TRDN: variants seen among roughly 807,000 people sequenced by gnomAD.
TRDN encodes the protein triadin, also known as triadin in skeletal muscle.
Under a neutral mutation model 149.7 loss-of-function variants are expected in TRDN, and 161 were observed. The ratio of observed to expected loss-of-function variants is 1.08; its 90% CI spans 0.95 to 1.23. The LOEUF (loss-of-function observed/expected upper bound fraction) is 1.23, where lower values mean the gene tolerates loss of function less well. Ranked by LOEUF, TRDN falls within the 50% of genes most tolerant of loss-of-function variation. The pLI, the probability that TRDN is intolerant of heterozygous loss-of-function variation, is 0.00. For synonymous variants in TRDN, 294 were observed against 250.5 expected, an observed-to-expected ratio of 1.17 and a Z score of -1.64; for missense variants, 896 against 823.5, an observed-to-expected ratio of 1.09 and a Z score of -1.08.
chr6:123,331,979 C>A, intron 22 of TRDN, 50 bp from the exon 23 acceptor site: 1 of 1,386,720 alleles, frequency 7.2e-7, no homozygotes, highest in Non-Finnish European at 9.8e-7. Flanking sequence ...AAGAGATTTT[C>A]AGATACCTAT....
chr6:123,347,530 T>A (rs1309475263), intron 21 of TRDN, among the ~76,000 whole-genome samples: 2 of 150,560 alleles, frequency 1.3e-5, no homozygotes, highest in Admixed American at 6.6e-5. Context: ...GAAATTTAAG[T>A]GTAATGTAAA....
At chr6:123,592,460 G>A (rs1468592688) in intron 1 of TRDN, among the ~76,000 whole-genome samples, 1 of 152,132 alleles carries the variant, frequency 6.6e-6, no homozygotes, top group Non-Finnish European at 1.5e-5. Flanking sequence ...CTAGAGACAG[G>A]CAGGACGTCA....
intron 39 of TRDN, among the ~76,000 whole-genome samples, chr6:123,221,897 A>G (rs1775161692): frequency 6.6e-6 from 1 of 151,744 alleles, no homozygotes; most frequent in Non-Finnish European, 1.5e-5. Flanking sequence ...CTAAAGATGA[A>G]CATTTTAGTC....
At chr6:123,479,270 G>A (rs1047434763) in intron 9 of TRDN, among the ~76,000 whole-genome samples, 1 of 151,880 alleles carries the variant, frequency 6.6e-6, no homozygotes, top group African/African-American at 2.4e-5. Flanking sequence ...TTTCTTTCTG[G>A]GGGAAGTTTA....
chr6:123,335,202 C>G (rs548836936), intron 22 of TRDN, among the ~76,000 whole-genome samples: 31 of 151,656 alleles, frequency 2.0e-4, no homozygotes, highest in African/African-American at 6.8e-4. Context: ...CAGTATTCGA[C>G]TTATATATAA....
chr6:123,510,738 G>A (rs186659739), intron 7 of TRDN, among the ~76,000 whole-genome samples: 3 of 151,304 alleles, frequency 2.0e-5, no homozygotes, highest in African/African-American at 4.9e-5. Context: ...CTGCGTCCAG[G>A]TTTCAAGGTA....
At chr6:123,505,265 A>G (rs1778871916) in intron 7 of TRDN, among the ~76,000 whole-genome samples, 1 of 150,740 alleles carries the variant, frequency 6.6e-6, no homozygotes, top group African/African-American at 2.4e-5. Flanking sequence ...AAAAAAAAAA[A>G]AAAAAGAATT....
intron 2 of TRDN, among the ~76,000 whole-genome samples, chr6:123,550,674 G>T (rs540796827): frequency 2.6e-5 from 4 of 152,148 alleles, no homozygotes; most frequent in East Asian, 3.9e-4. Context: ...CTCATAGAGA[G>T]CGGAAAAATT....
intron 12 of TRDN, among the ~76,000 whole-genome samples, chr6:123,408,398 C>T (rs1339291626): frequency 3.3e-5 from 5 of 152,122 alleles, no homozygotes; most frequent in Non-Finnish European, 5.9e-5. Context: ...TTGTTTTGGG[C>T]CAGGCACGGT....
chr6:123,381,674 AC>A (rs1404723692), intron 15 of TRDN, among the ~76,000 whole-genome samples: 2 of 152,056 alleles, frequency 1.3e-5, no homozygotes, highest in African/African-American at 4.8e-5. Context: ...AGTCTCTTAA[AC>A]ACATAAAAAC....
chr6:123,406,343 A>T (rs1406497977), intron 12 of TRDN, among the ~76,000 whole-genome samples: 2 of 152,136 alleles, frequency 1.3e-5, no homozygotes, highest in African/African-American at 2.4e-5. Flanking sequence ...AGTGTTTAAA[A>T]AGTCTTTGCA....
At chr6:123,389,691 G>A (rs562096769) in intron 13 of TRDN, among the ~76,000 whole-genome samples, 8 of 152,224 alleles carry the variant, frequency 5.3e-5, no homozygotes, top group African/African-American at 1.9e-4. Context: ...TATTACTTTT[G>A]TAGTAGAAAA....
chr6:123,498,978 CA>C (rs1056335939), intron 8 of TRDN, among the ~76,000 whole-genome samples: 8 of 151,608 alleles, frequency 5.3e-5, no homozygotes, highest in African/African-American at 1.5e-4. Context: ...CTCCATCATC[CA>C]AAAAAAATTA....
chr6:123,219,771 A>ACAACTT (rs920477583), intron 40 of TRDN, among the ~76,000 whole-genome samples: 4 of 151,732 alleles, frequency 2.6e-5, no homozygotes, highest in African/African-American at 9.7e-5. Context: ...AAGCAATAAT[A>ACAACTT]CAACTTCCGT....
intron 8 of TRDN, among the ~76,000 whole-genome samples, chr6:123,500,956 C>G (rs1482050345): frequency 6.6e-6 from 1 of 152,062 alleles, no homozygotes; most frequent in Non-Finnish European, 1.5e-5. Flanking sequence ...CCACAGACCT[C>G]CTAGAGGTCA....
intron 1 of TRDN, among the ~76,000 whole-genome samples, chr6:123,605,058 T>G (rs1393129022): frequency 1.3e-5 from 2 of 151,972 alleles, no homozygotes; most frequent in African/African-American, 4.8e-5. Context: ...CATATCATTG[T>G]TGACTAGATG....
intron 24 of TRDN, among the ~76,000 whole-genome samples, chr6:123,282,270 T>C (rs1045236432): frequency 6.6e-6 from 1 of 151,950 alleles, no homozygotes; most frequent in African/African-American, 2.4e-5. Flanking sequence ...TATAAGTCTA[T>C]ATAGTTTAGC....
At chr6:123,221,239 G>A (rs1334559717) in intron 40 of TRDN, among the ~76,000 whole-genome samples, 1 of 151,750 alleles carries the variant, frequency 6.6e-6, no homozygotes, top group Non-Finnish European at 1.5e-5. Context: ...GAAATATGTA[G>A]AAGGATTTGC....
At chr6:123,321,091 G>A (rs937126982) in intron 23 of TRDN, among the ~76,000 whole-genome samples, 5 of 152,058 alleles carry the variant, frequency 3.3e-5, no homozygotes, top group African/African-American at 1.2e-4. Flanking sequence ...GAGGGGGTCT[G>A]GAAAACGTGG....
Sources: allele counts gnomAD v4.1 joint callset (sites outside exome capture counted in the v4.1 genomes callset), GRCh38; gene constraint gnomAD v4.1.1; transcripts MANE v1.5; gene names NCBI Gene and HGNC (gene_info 2026-07-23, HGNC 2026-07-21).